The following SYBU variants were observed in gnomAD, a reference collection of about 807,000 sequenced individuals.
SYBU encodes the protein GOLSYN A protein.
SYBU carries 21 observed loss-of-function variants against 35.9 expected under a neutral mutation model. The observed-to-expected ratio is 0.58, with a 90% CI of 0.41 to 0.84. SYBU has a LOEUF of 0.84. Among genes scored for constraint, SYBU ranks in the 40% least tolerant of loss-of-function variants. SYBU has a pLI of 0.00. For synonymous variants in SYBU, 319 were observed against 324.3 expected, an observed-to-expected ratio of 0.98 and a Z score of 0.18; for missense variants, 768 against 848.2, an observed-to-expected ratio of 0.91 and a Z score of 1.17.
At chr8:109,587,365 T>C (rs913210818) in intron 3 of SYBU, among the ~76,000 whole-genome samples, 1 of 152,230 alleles carries the variant, frequency 6.6e-6, no homozygotes, top group African/African-American at 2.4e-5. Context: ...AAAATAGACA[T>C]TAATCTCACT....
intron 3 of SYBU, among the ~76,000 whole-genome samples, chr8:109,587,803 C>T (rs1316440686): frequency 1.3e-5 from 2 of 152,176 alleles, no homozygotes; most frequent in African/African-American, 4.8e-5. Flanking sequence ...ACTCCTGGCT[C>T]CCAGTAGAAT....
intron 3 of SYBU, chr8:109,603,498 C>G: frequency 1.7e-6 from 1 of 586,086 alleles, no homozygotes; most frequent in Non-Finnish European, 2.1e-6. Context: ...CCCAGCTACT[C>G]TGCCCCACCC....
intron 2 of SYBU, among the ~76,000 whole-genome samples, chr8:109,621,972 T>G (rs1360659496): frequency 6.6e-6 from 1 of 152,162 alleles, no homozygotes; most frequent in African/African-American, 2.4e-5. Context: ...AGAAGTTATC[T>G]TTACAAGTCT....
chr8:109,592,045 G>A (rs1466104402), intron 3 of SYBU, among the ~76,000 whole-genome samples: 1 of 151,966 alleles, frequency 6.6e-6, no homozygotes, highest in African/African-American at 2.4e-5. Context: ...TGGAAATTCA[G>A]GTGAAACATG....
chr8:109,644,789 A>C lies in SYBU; in HGVS notation c.-130T>G. On this transcript the variant is annotated 5_prime_UTR_variant, in exon 1 of 7. Coordinates refer to ENST00000276646, the MANE Select transcript of SYBU (RefSeq NM_001099754.2). Reference sequence around the variant, plus strand: ...GGCGGCGGCTCTTGGTGAGGCTCCAACGCGCCGCCGCCGCCACTGCCGCCG... The same window carrying C: ...GGCGGCGGCTCTTGGTGAGGCTCCACCGCGCCGCCGCCGCCACTGCCGCCG... 2.2e-6 allele frequency: 2 copies of C among 907,874 alleles called. No homozygotes were observed. Among genetic ancestry groups the C allele is most frequent in the Non-Finnish European group, 3.0e-6 (2 of 669,748 alleles). The allele number at this position is 907,874 out of a possible 1,614,324, so 56.2% of individuals were successfully genotyped here. A position where few individuals can be genotyped will look rare whatever the true frequency, so the allele number is the denominator to read the frequency against.
At chr8:109,581,896 C>A (rs961826922) in intron 4 of SYBU, among the ~76,000 whole-genome samples, 2 of 152,186 alleles carry the variant, frequency 1.3e-5, no homozygotes, top group African/African-American at 4.8e-5. Flanking sequence ...CTCTTCTCTT[C>A]GTGAGAAGAG....
At chr8:109,658,666 T>C (rs1201035811) in intron 1 of SYBU, among the ~76,000 whole-genome samples, 4 of 133,700 alleles carry the variant, frequency 3.0e-5, no homozygotes, top group African/African-American at 1.3e-4. Flanking sequence ...TTAATAATTA[T>C]ATTCATGGCC....
At chr8:109,663,973 CA>C (rs1284491217) in intron 1 of SYBU, among the ~76,000 whole-genome samples, 1 of 152,116 alleles carries the variant, frequency 6.6e-6, no homozygotes, top group East Asian at 1.9e-4. Flanking sequence ...AGGACTAATA[CA>C]AATATGGTAT....
chr8:109,669,845 A>C (rs936144123), intron 1 of SYBU, among the ~76,000 whole-genome samples: 7 of 152,224 alleles, frequency 4.6e-5, no homozygotes, highest in Admixed American at 4.6e-4. Flanking sequence ...TACCTATGTA[A>C]AATAAAAAAT....
chr8:109,578,900 T>G (rs923515567), intron 5 of SYBU, among the ~76,000 whole-genome samples: 17 of 152,198 alleles, frequency 1.1e-4, no homozygotes, highest in African/African-American at 4.1e-4. Flanking sequence ...AGATCCTTCT[T>G]CTGAAGGGAA....
intron 1 of SYBU, among the ~76,000 whole-genome samples, chr8:109,663,502 A>C (rs546130962): frequency 4.6e-5 from 7 of 152,146 alleles, no homozygotes; most frequent in Non-Finnish European, 7.4e-5. Flanking sequence ...GTAATGAATC[A>C]ATTAGGCTTT....
intron 3 of SYBU, among the ~76,000 whole-genome samples, chr8:109,588,337 G>A (rs759946149): frequency 4.6e-5 from 7 of 152,134 alleles, no homozygotes; most frequent in Non-Finnish European, 8.8e-5. Context: ...GGACAACTTT[G>A]TTCTATATTT....
chr8:109,597,787 T>A (rs1825061801), intron 3 of SYBU, among the ~76,000 whole-genome samples: 1 of 152,210 alleles, frequency 6.6e-6, no homozygotes, highest in African/African-American at 2.4e-5. Flanking sequence ...AAGTAAAAAT[T>A]TCTATCTTTT....
At chr8:109,657,553 A>G (rs779828739) in intron 1 of SYBU, among the ~76,000 whole-genome samples, 10 of 152,246 alleles carry the variant, frequency 6.6e-5, no homozygotes, top group Non-Finnish European at 1.3e-4. Context: ...TAAGCATTCT[A>G]TTCCTGTAAC....
intron 3 of SYBU, among the ~76,000 whole-genome samples, chr8:109,590,578 A>G (rs1032609163): frequency 6.6e-6 from 1 of 152,148 alleles, no homozygotes; most frequent in African/African-American, 2.4e-5. Context: ...ACAGCTAAAC[A>G]CAAAAGAAGA....
At chr8:109,597,294 G>A (rs371711853) in intron 3 of SYBU, among the ~76,000 whole-genome samples, 3 of 152,320 alleles carry the variant, frequency 2.0e-5, no homozygotes, top group South Asian at 2.1e-4. Context: ...CTGACGGTAT[G>A]TGCTGGTGTT....
At chr8:109,614,566 T>G (rs1465891541) in intron 3 of SYBU, among the ~76,000 whole-genome samples, 3 of 152,240 alleles carry the variant, frequency 2.0e-5, no homozygotes, top group Non-Finnish European at 4.4e-5. Flanking sequence ...GGAGGTTCTT[T>G]GTCACAACTT....
intron 3 of SYBU, among the ~76,000 whole-genome samples, chr8:109,605,987 G>A (rs1445196477): frequency 6.6e-6 from 1 of 152,066 alleles, no homozygotes. Context: ...TACCCATTTT[G>A]TTAATAGCAA....
intron 2 of SYBU, among the ~76,000 whole-genome samples, chr8:109,624,591 T>C (rs1812777476): frequency 6.6e-6 from 1 of 152,170 alleles, no homozygotes; most frequent in Admixed American, 6.6e-5. Flanking sequence ...CCATCGAGTC[T>C]TCTTCCCATC....
Sources: allele counts gnomAD v4.1 joint callset (sites outside exome capture counted in the v4.1 genomes callset), GRCh38; gene constraint gnomAD v4.1.1; transcripts MANE v1.5; gene names NCBI Gene and HGNC (gene_info 2026-07-23, HGNC 2026-07-21).